NKD1: variants seen among roughly 807,000 people sequenced by gnomAD.
NKD1 encodes protein naked cuticle homolog 1.
A neutral mutation model predicts 56.0 loss-of-function variants in NKD1; 21 were observed. That is an observed-to-expected ratio of 0.38 (90% CI 0.27 to 0.54). The LOEUF (loss-of-function observed/expected upper bound fraction) is 0.54, where lower values mean the gene tolerates loss of function less well. Ranked by LOEUF, NKD1 falls within the 20% of genes least tolerant of loss-of-function variation. The pLI is 0.82. For missense variants in NKD1, 578 were observed against 642.7 expected (o/e 0.90, Z 1.09); for synonymous variants, 263 against 265.7 (o/e 0.99, Z 0.10).
In NKD1 at chr16:50,549,441, C is replaced by T. The variant is rs759014587; in HGVS notation, c.78C>T (p.Ser26=). 7.4e-6 allele frequency: 12 copies of T among 1,611,342 alleles called. No individual in the cohort carries two copies. The South Asian group carries it at 1.3e-4, about 18-fold the overall frequency. ...ESPEGDSFAV[S]AAWARKGIEE... Reference sequence around the variant, plus strand: ...TCCCAGGTGACAGCTTCGCCGTGAGCGCTGCCTGGGCTCGGAAGGGCATCG... The same window carrying T: ...TCCCAGGTGACAGCTTCGCCGTGAGTGCTGCCTGGGCTCGGAAGGGCATCG... The change falls in exon 3 of 10, where the codon AGC becomes AGT. Residue 26 remains serine (S), a synonymous_variant. Transcript: ENST00000268459.
intron 3 of NKD1, among the ~76,000 whole-genome samples, chr16:50,573,269 C>T (rs1261542290): frequency 1.3e-5 from 2 of 151,814 alleles, no homozygotes; most frequent in Non-Finnish European, 2.9e-5. Context: ...CCCTGTGGTG[C>T]CCCCCTGCAC....
In NKD1 at chr16:50,632,989, C is replaced by G. The variant is rs914316672; in HGVS notation, c.824-203C>G. On this transcript the variant is annotated intron_variant, in intron 9 of 9. Transcript: ENST00000268459. The surrounding 1 kb of genome is among the most constrained non-coding windows in gnomAD (Gnocchi z 4.1). ...CCTCTCGGAGAGTATTTTTGAAGAC[C>G]TACCAAAGAACCAGTTCTTCCCACT... Among the ~76,000 whole-genome samples the G allele has an allele frequency of 3.9e-5, 6 of 152,034 alleles. No homozygotes were observed. Among genetic ancestry groups the G allele is most frequent in the African/African-American group, 1.5e-4 (6 of 41,360 alleles).
chr16:50,551,696 G>A (rs1253376235), intron 3 of NKD1: 1 of 151,898 alleles, frequency 6.6e-6, no homozygotes, highest in African/African-American at 2.4e-5. Context: ...GAATCTGGGG[G>A]AACATTTTAA....
intron 3 of NKD1, among the ~76,000 whole-genome samples, chr16:50,586,935 C>G (rs1051454674): frequency 6.6e-6 from 1 of 152,226 alleles, no homozygotes; most frequent in Non-Finnish European, 1.5e-5. Flanking sequence ...GGGAGTCATT[C>G]TCTCCCTGTC....
At chr16:50,567,066 C>A (rs1960776192) in intron 3 of NKD1, among the ~76,000 whole-genome samples, 1 of 149,160 alleles carries the variant, frequency 6.7e-6, no homozygotes, top group South Asian at 2.1e-4. Context: ...CCTATGTGAT[C>A]TCCCAATTTG....
At chr16:50,590,060 G>T (rs964731502) in intron 3 of NKD1, among the ~76,000 whole-genome samples, 1 of 151,958 alleles carries the variant, frequency 6.6e-6, no homozygotes, top group Admixed American at 6.6e-5. Flanking sequence ...TCCCAGGCTG[G>T]TCTTGAACCC....
rs1004004710 is a variant in NKD1, at chr16:50,638,997, C to G, written c.*5216C>G. On this transcript the variant is annotated 3_prime_UTR_variant, in exon 10 of 10. Coordinates refer to ENST00000268459, the MANE Select transcript of NKD1 (RefSeq NM_033119.5). Reference sequence around the variant, plus strand: ...AGACATGACTTTGGCATTGACCAGCCTGTTGGCAATGGGTCGGGGAGGCAG... The same window carrying G: ...AGACATGACTTTGGCATTGACCAGCGTGTTGGCAATGGGTCGGGGAGGCAG... The G allele has an allele frequency of 2.0e-5, 3 of 152,288 alleles. No homozygotes were observed. The highest frequency in any genetic ancestry group is 7.2e-5 in the African/African-American group (3 of 41,448). The allele number at this position is 152,288 out of a possible 1,614,324, so 9.4% of individuals were successfully genotyped here. A position where few individuals can be genotyped will look rare whatever the true frequency, so the allele number is the denominator to read the frequency against.
rs77625399 is a variant in NKD1 at position 50,564,664 on chromosome 16, A to G, written c.192+15109A>G. Among the ~76,000 whole-genome samples, 22 of 152,298 alleles carry G rather than the reference A, an allele frequency of 1.4e-4. No homozygotes were observed. The East Asian group carries it at 3.9e-3, about 27-fold the overall frequency. On this transcript the variant is annotated intron_variant, in intron 3 of 9. Coordinates refer to ENST00000268459, the MANE Select transcript of NKD1 (RefSeq NM_033119.5). ...TTCAGAGGGGCCATGCAGCTTGGCCAGAGGGCACACAGCCAGAGAGGCAGG... is the reference window on the plus strand; with the variant it reads ...TTCAGAGGGGCCATGCAGCTTGGCCGGAGGGCACACAGCCAGAGAGGCAGG...
At chr16:50,624,861 G>T (rs1013199134) in intron 5 of NKD1, among the ~76,000 whole-genome samples, 1 of 152,200 alleles carries the variant, frequency 6.6e-6, no homozygotes, top group Non-Finnish European at 1.5e-5. Context: ...GAGGTGGGAG[G>T]TCGGGAACTG....
intron 3 of NKD1, among the ~76,000 whole-genome samples, chr16:50,563,013 A>G (rs1458999697): frequency 4.5e-4 from 40 of 89,152 alleles, no homozygotes; most frequent in Admixed American, 3.3e-4. Context: ...TAGAATGGGT[A>G]GAAGAAGGGG....
rs938328382 is a variant in NKD1 at position 50,633,060 on chromosome 16, G to A, written c.824-132G>A. The A allele has an allele frequency of 2.6e-6, 2 of 760,076 alleles. No individual in the cohort carries two copies. The highest frequency in any genetic ancestry group is 4.1e-6 in the Non-Finnish European group (2 of 493,394). The allele number at this position is 760,076 out of a possible 1,614,324, so 47.1% of individuals were successfully genotyped here. On this transcript the variant is annotated intron_variant, in intron 9 of 9. Transcript: ENST00000268459. The surrounding 1 kb of genome is among the most constrained non-coding windows in gnomAD (Gnocchi z 4.9). ...TTTCAGAGAGTTTTCCTGCAAGGCA[G>A]TGAGGGGCAGTCAGGGCATTGGGGG...
At chr16:50,562,986 A>ACC (rs1307651263) in intron 3 of NKD1, among the ~76,000 whole-genome samples, 16 of 60,430 alleles carry the variant, frequency 2.6e-4, no homozygotes, top group East Asian at 4.7e-4. Flanking sequence ...TCCCACCACC[A>ACC]CCCCCCCCCC....
At chr16:50,575,066 A>G (rs545951429) in intron 3 of NKD1, 3 of 985,336 alleles carry the variant, frequency 3.0e-6, no homozygotes, top group Admixed American at 6.1e-5. Context: ...GAGAGCTGGA[A>G]AGTTGTTTCA....
At chr16:50,609,289 G>T (rs908037964) in intron 4 of NKD1, among the ~76,000 whole-genome samples, 4 of 152,280 alleles carry the variant, frequency 2.6e-5, no homozygotes, top group Admixed American at 2.0e-4. Context: ...AAGGGCCTTT[G>T]CCCTGCTTGG....
chr16:50,591,789 G>A (rs753548531), intron 3 of NKD1, among the ~76,000 whole-genome samples: 3 of 152,224 alleles, frequency 2.0e-5, no homozygotes, highest in South Asian at 4.1e-4. Context: ...TAAAATGAGC[G>A]TGCGCCACCT....
Position 50,603,087 on chromosome 16 carries a change from C to T in NKD1, c.193-5207C>T, listed in dbSNP as rs552982200. On this transcript the variant is annotated intron_variant, in intron 3 of 9. Coordinates refer to ENST00000268459, the MANE Select transcript of NKD1 (RefSeq NM_033119.5). ...ACTGATGTTAGTGCTTCCAGCTTCG[C>T]ATCAGACACCATCCTAGGCATGTTG... Among the ~76,000 whole-genome samples the T allele has an allele frequency of 2.6e-5, 4 of 152,368 alleles. No homozygotes were observed. In the East Asian group the frequency reaches 5.8e-4, roughly 22 times the overall value.
intron 5 of NKD1, 145 bp from the exon 6 acceptor site, chr16:50,625,340 C>T (rs949279122): frequency 1.5e-6 from 1 of 655,422 alleles, no homozygotes; most frequent in Middle Eastern, 3.5e-4. Flanking sequence ...CTGTCTTGGC[C>T]AAAGTGCTCC....
intron 3 of NKD1, among the ~76,000 whole-genome samples, chr16:50,597,131 A>T (rs574134592): frequency 7.2e-5 from 11 of 152,278 alleles, no homozygotes; most frequent in African/African-American, 2.6e-4. Flanking sequence ...GTCATTATTC[A>T]AGAGGACTGT....
chr16:50,568,202 T>C (rs1960804849), intron 3 of NKD1, among the ~76,000 whole-genome samples: 1 of 152,256 alleles, frequency 6.6e-6, no homozygotes, highest in South Asian at 2.1e-4. Flanking sequence ...CGCCTACCTT[T>C]TCTTAACCAT....
Sources: allele counts gnomAD v4.1 joint callset (sites outside exome capture counted in the v4.1 genomes callset), GRCh38; gene constraint gnomAD v4.1.1; non-coding constraint Gnocchi (gnomAD v3.1); transcripts MANE v1.5; gene names NCBI Gene and HGNC (gene_info 2026-07-23, HGNC 2026-07-21).